The following MRPS9 variants were observed in gnomAD, a reference collection of about 807,000 sequenced individuals.
The protein encoded by MRPS9 is mitochondrial ribosomal protein S9, also known as small ribosomal subunit protein uS9m.
Under a neutral mutation model 59.9 loss-of-function variants are expected in MRPS9, and 45 were observed. The observed-to-expected ratio is 0.75, with a 90% CI of 0.59 to 0.96. The LOEUF is 0.96. MRPS9 is among the 40% of genes least tolerant of loss of function. The probability of loss-of-function intolerance (pLI) is 0.00; values close to 1 mark genes in which losing one functional copy is unlikely to be tolerated. For missense variants in MRPS9, 473 were observed against 481.1 expected, an observed-to-expected ratio of 0.98 and a Z score of 0.16; for synonymous variants, 171 against 166.8, an observed-to-expected ratio of 1.03 and a Z score of -0.19.
chr2:105,039,413 GA>G (rs1396121640), intron 1 of MRPS9, among the ~76,000 whole-genome samples: 1 of 151,316 alleles, frequency 6.6e-6, no homozygotes, highest in African/African-American at 2.4e-5. Flanking sequence ...ATGATTATGA[GA>G]GGGACTATAT....
intron 2 of MRPS9, among the ~76,000 whole-genome samples, chr2:105,049,958 G>A (rs1169330980): frequency 1.4e-5 from 2 of 143,954 alleles, no homozygotes; most frequent in East Asian, 3.9e-4. Flanking sequence ...ATATTTAATC[G>A]AAGAACAACA....
At chr2:105,089,160 A>T in intron 6 of MRPS9, 91 bp downstream of exon 6, 1 of 896,048 alleles carries the variant, frequency 1.1e-6, no homozygotes. Flanking sequence ...CTGAAGCCTA[A>T]AATTTGTTCA....
At chr2:105,065,490 A>C (rs1480314529) in intron 2 of MRPS9, among the ~76,000 whole-genome samples, 1 of 152,192 alleles carries the variant, frequency 6.6e-6, no homozygotes, top group East Asian at 1.9e-4. Flanking sequence ...GTGAATGACT[A>C]CTAGTTGTAT....
chr2:105,038,208 A>C lies in MRPS9; in HGVS notation c.116A>C (p.Gln39Pro), dbSNP rs201247349. The change falls in exon 1 of 11, where the codon CAA becomes CCA. Residue 39 changes from glutamine (Q) to proline (P), a missense_variant. Physicochemically the swap from Gln to Pro is moderately conservative, Grantham distance 76 (BLOSUM62 -1). Coordinates refer to ENST00000258455, the MANE Select transcript of MRPS9 (RefSeq NM_182640.3). ...GLWKTAAPEL[Q>P]TNVRSQILRL... is the part of the protein sequence containing the mutation. ...TGGAAAACCGCGGCCCCTGAGTTGC[A>C]AACAAATGTCAGATCCCAGGTAAGG... 6.2e-6 allele frequency: 10 copies of C among 1,612,508 alleles called. No individual in the cohort carries two copies. In the Admixed American group the frequency reaches 1.2e-4, roughly 19 times the overall value.
Position 105,077,244 on chromosome 2 carries a change from C to CAAAAAAAAAAAAA in MRPS9, c.410-2727_410-2726insAAAAAAAAAAAAA, listed in dbSNP as rs56216293. 2.6e-3 allele frequency among the ~76,000 whole-genome samples: 301 copies of CAAAAAAAAAAAAA among 115,154 alleles called. 5 individuals carry two copies. The highest frequency in any genetic ancestry group is 3.5e-3 in the African/African-American group (107 of 30,714). 75.5% of individuals were successfully genotyped at this position (115,154 alleles called of 152,430 possible). A position where few individuals can be genotyped will look rare whatever the true frequency, so the allele number is the denominator to read the frequency against. On this transcript the variant is annotated intron_variant, in intron 4 of 10. Transcript: ENST00000258455. The stretch of plus-strand genomic sequence containing the variant: ...TGGGCAATAGAGGGAGACTCCATCT[C>CAAAAAAAAAAAAA]AAAAAAAAAAAAGAAGAAGAAAAGA...
At chr2:105,088,882 C>A in intron 5 of MRPS9, 102 bp from the exon 6 acceptor site, 2 of 674,924 alleles carry the variant, frequency 3.0e-6, no homozygotes, top group Non-Finnish European at 2.4e-6. Context: ...GAGGAGGACA[C>A]CTTAGGAAGT....
At chr2:105,067,075 C>G (rs1680014495) in intron 2 of MRPS9, among the ~76,000 whole-genome samples, 1 of 152,148 alleles carries the variant, frequency 6.6e-6, no homozygotes, top group Admixed American at 6.5e-5. Flanking sequence ...CCACTGAAAA[C>G]TGCACATTAT....
chr2:105,066,518 A>G (rs1680004678), intron 2 of MRPS9, among the ~76,000 whole-genome samples: 1 of 152,202 alleles, frequency 6.6e-6, no homozygotes, highest in Non-Finnish European at 1.5e-5. Context: ...AGTCTTCATG[A>G]CAGATCCAAC....
At chr2:105,071,739 A>G (rs925169687) in intron 4 of MRPS9, among the ~76,000 whole-genome samples, 7 of 152,298 alleles carry the variant, frequency 4.6e-5, no homozygotes, top group African/African-American at 9.6e-5. Flanking sequence ...TTGCATTCCA[A>G]TATGTCCTTT....
chr2:105,063,745 T>G (rs1679946880), intron 2 of MRPS9, among the ~76,000 whole-genome samples: 1 of 152,206 alleles, frequency 6.6e-6, no homozygotes, highest in South Asian at 2.1e-4. Flanking sequence ...TATCTATGAG[T>G]TTGTATTTAC....
intron 1 of MRPS9, among the ~76,000 whole-genome samples, chr2:105,043,670 T>C (rs1250182378): frequency 6.6e-6 from 1 of 152,146 alleles, no homozygotes; most frequent in Non-Finnish European, 1.5e-5. Context: ...TCTTGCTCTG[T>C]CACCCGGGCT....
In MRPS9 at chr2:105,075,070, C is replaced by T. The variant is rs138338216; in HGVS notation, c.409+3581C>T. 3.3e-3 allele frequency among the ~76,000 whole-genome samples: 495 copies of T among 152,290 alleles called. 3 individuals are homozygous for T. Among genetic ancestry groups the T allele is most frequent in the African/African-American group, 0.011 (469 of 41,566 alleles). ...GTGTTGATGGGAGACAGTGACAGATCGTCAGGCCTTAGATTCTCATAAGGA... is the reference window on the plus strand; with the variant it reads ...GTGTTGATGGGAGACAGTGACAGATTGTCAGGCCTTAGATTCTCATAAGGA... On this transcript the variant is annotated intron_variant, in intron 4 of 10. Coordinates refer to ENST00000258455, the MANE Select transcript of MRPS9 (RefSeq NM_182640.3).
At chr2:105,098,080 A>AT (rs1178582078) in intron 10 of MRPS9, 1 of 152,056 alleles carries the variant, frequency 6.6e-6, no homozygotes, top group Non-Finnish European at 1.5e-5. Context: ...GGAGGTTTCC[A>AT]TTTTTTCCCA....
chr2:105,075,554 A>G (rs1021441373), intron 4 of MRPS9, among the ~76,000 whole-genome samples: 3 of 152,196 alleles, frequency 2.0e-5, no homozygotes, highest in Non-Finnish European at 4.4e-5. Flanking sequence ...AAAAGAATGA[A>G]AGCTTCTAAA....
At chr2:105,084,609 CTG>C (rs1026014354) in intron 5 of MRPS9, among the ~76,000 whole-genome samples, 5 of 152,126 alleles carry the variant, frequency 3.3e-5, no homozygotes, top group Non-Finnish European at 7.3e-5. Context: ...GCATGTAGTG[CTG>C]TCTTTTAAAA....
chr2:105,076,390 T>C (rs1014091577), intron 4 of MRPS9, among the ~76,000 whole-genome samples: 1 of 152,212 alleles, frequency 6.6e-6, no homozygotes, highest in Admixed American at 6.5e-5. Context: ...TGGTAGCAAA[T>C]GAATTGCAAT....
At chr2:105,075,160 A>G (rs1680185092) in intron 4 of MRPS9, among the ~76,000 whole-genome samples, 1 of 152,168 alleles carries the variant, frequency 6.6e-6, no homozygotes, top group South Asian at 2.1e-4. Context: ...TGAGAATCTA[A>G]TCGCACTGTT....
At chr2:105,085,412 G>C (rs1680427777) in intron 5 of MRPS9, among the ~76,000 whole-genome samples, 1 of 152,032 alleles carries the variant, frequency 6.6e-6, no homozygotes, top group African/African-American at 2.4e-5. Context: ...ATTACTATTA[G>C]TTACTATTTA....
intron 1 of MRPS9, among the ~76,000 whole-genome samples, chr2:105,044,644 A>C (rs933190548): frequency 6.6e-6 from 1 of 152,186 alleles, no homozygotes; most frequent in Admixed American, 6.5e-5. Flanking sequence ...AATTATGTTA[A>C]AAGTAGGAAA....
Sources: allele counts gnomAD v4.1 joint callset (sites outside exome capture counted in the v4.1 genomes callset), GRCh38; gene constraint gnomAD v4.1.1; transcripts MANE v1.5; gene names NCBI Gene and HGNC (gene_info 2026-07-23, HGNC 2026-07-21).